MACF1: variants seen among roughly 807,000 people sequenced by gnomAD.
MACF1 encodes microtubule-actin cross-linking factor 1.
In MACF1, 193 loss-of-function variants were observed where a neutral mutation model predicts 854.8. The observed-to-expected ratio is 0.23, with a 90% CI of 0.20 to 0.25. The LOEUF (loss-of-function observed/expected upper bound fraction) is 0.25. MACF1 is among the 10% of genes least tolerant of loss of function. The pLI is 1.00. For synonymous variants in MACF1, 3,185 were observed against 3,226.7 expected (o/e 0.99, Z 0.44); for missense variants, 7,722 against 8,929.1 (o/e 0.86, Z 5.45).
chr1:39,235,110 C>T (rs1176991984), intron 2 of MACF1, among the ~76,000 whole-genome samples: 5 of 152,116 alleles, frequency 3.3e-5, no homozygotes, highest in East Asian at 3.9e-4. Flanking sequence ...GGGTGGCGGC[C>T]GGGCAGAGGC....
intron 2 of MACF1, among the ~76,000 whole-genome samples, chr1:39,106,028 G>GGGA (rs925394534): frequency 3.3e-5 from 5 of 152,136 alleles, no homozygotes; most frequent in African/African-American, 9.7e-5. Context: ...GGAGTTGCTG[G>GGGA]GGAGGAGGAG....
chr1:39,430,179 T>G, intron 65 of MACF1, 111 bp downstream of exon 65: 1 of 1,176,522 alleles, frequency 8.5e-7, no homozygotes, highest in Non-Finnish European at 1.2e-6. Context: ...GCCCCCTTTC[T>G]TGTTTACTCA....
intron 100 of MACF1, 172 bp from the exon 101 acceptor site, chr1:39,485,366 C>A: frequency 1.4e-6 from 1 of 712,594 alleles, no homozygotes; most frequent in Non-Finnish European, 2.2e-6. Context: ...CAAGTAGAAT[C>A]ACAAAGCCAG....
chr1:39,226,850 T>TA (rs1377122044), intron 1 of MACF1, among the ~76,000 whole-genome samples: 1 of 151,832 alleles, frequency 6.6e-6, no homozygotes, highest in African/African-American at 2.4e-5. Context: ...AAAGAAATTA[T>TA]AAAAAAAAGA....
chr1:39,158,573 G>A (rs1159781204), intron 2 of MACF1, among the ~76,000 whole-genome samples: 3 of 152,188 alleles, frequency 2.0e-5, no homozygotes, highest in South Asian at 4.1e-4. Flanking sequence ...CCTGACTGGT[G>A]TCCTGAAAAG....
chr1:39,482,807 A>C (rs1277466070), intron 99 of MACF1, among the ~76,000 whole-genome samples: 6 of 148,280 alleles, frequency 4.0e-5, no homozygotes, highest in Admixed American at 6.7e-5. Flanking sequence ...AAAAAAAAAA[A>C]AAAAAAAACC....
chr1:39,416,070 A>G (rs1643297155), intron 58 of MACF1, among the ~76,000 whole-genome samples: 2 of 152,200 alleles, frequency 1.3e-5, no homozygotes. Context: ...CTAAACATGC[A>G]GGTCCTGACA....
In MACF1 at chr1:39,359,275, G is replaced by A. The variant is rs1647853986; in HGVS notation, c.12244+11G>A. On this transcript the variant is annotated intron_variant, in intron 47 of 100. Coordinates refer to ENST00000564288, the MANE Select transcript of MACF1 (RefSeq NM_001394062.1). ...TTCAAGAAACTACAGGTATAAAGCA[G>A]CAACAGTATAATAGTACTCCCTTAA... The A allele has an allele frequency of 6.2e-7, 1 of 1,613,884 alleles. No homozygotes were observed. Among genetic ancestry groups the A allele is most frequent in the Non-Finnish European group, 8.5e-7 (1 of 1,179,940 alleles).
At chr1:39,268,512 T>G (rs1442582585) in intron 6 of MACF1, 2 of 1,154,412 alleles carry the variant, frequency 1.7e-6, no homozygotes, top group African/African-American at 3.2e-5. Flanking sequence ...AAGATGGCTG[T>G]CTGAATCGGC....
Position 39,317,372 on chromosome 1 carries a change from G to A in MACF1, c.3747G>A (p.Glu1249=). Reference sequence around the variant, plus strand: ...AGGAAAAAGGCTCCCAGCTGCAGGAGCGTTGGCACCGAGTCATTGCCCAGC... The same window carrying A: ...AGGAAAAAGGCTCCCAGCTGCAGGAACGTTGGCACCGAGTCATTGCCCAGC... ...RYQEKGSQLQ[E]RWHRVIAQLE... Residue 1249 remains glutamate, a synonymous_variant, in exon 29 of 101, where the codon GAG becomes GAA. Coordinates refer to ENST00000564288, the MANE Select transcript of MACF1 (RefSeq NM_001394062.1). 6.2e-7 allele frequency: 1 copy of A among 1,613,244 alleles called. No homozygotes were observed. Among genetic ancestry groups the A allele is most frequent in the Non-Finnish European group, 8.5e-7 (1 of 1,179,926 alleles).
intron 100 of MACF1, chr1:39,485,235 T>C (rs899051795): frequency 2.8e-6 from 1 of 361,918 alleles, no homozygotes; most frequent in Non-Finnish European, 5.0e-6. Flanking sequence ...TTAGCCCGGC[T>C]GGCAGGCTCA....
chr1:39,220,855 G>C (rs956876509), intron 1 of MACF1, among the ~76,000 whole-genome samples: 1 of 152,176 alleles, frequency 6.6e-6, no homozygotes, highest in Non-Finnish European at 1.5e-5. Flanking sequence ...AATGGACTTA[G>C]ATACAGAGCT....
intron 84 of MACF1, among the ~76,000 whole-genome samples, chr1:39,450,673 G>A (rs1055558474): frequency 2.1e-5 from 3 of 141,558 alleles, no homozygotes; most frequent in Non-Finnish European, 4.5e-5. Context: ...GTGCAGTGGT[G>A]CAATCTCGGC....
At position 39,348,035 on chromosome 1, in the gene MACF1, C is replaced by T. The variant is rs566080381; in HGVS notation, c.10815+825C>T. Among the ~76,000 whole-genome samples the T allele has an allele frequency of 1.1e-3, 160 of 152,258 alleles. 1 individual carries two copies. Among genetic ancestry groups the T allele is most frequent in the African/African-American group, 3.6e-3 (149 of 41,556 alleles). Reference sequence around the variant, plus strand: ...TATAGCAAGATGATATTAGAATTGTCATTATCACCATAAAATTTGTCTCAA... The same window carrying T: ...TATAGCAAGATGATATTAGAATTGTTATTATCACCATAAAATTTGTCTCAA... On this transcript the variant is annotated intron_variant, in intron 41 of 100. Transcript: ENST00000564288.
intron 2 of MACF1, among the ~76,000 whole-genome samples, chr1:39,112,338 C>G (rs1051003168): frequency 6.6e-6 from 1 of 152,102 alleles, no homozygotes; most frequent in Non-Finnish European, 1.5e-5. Flanking sequence ...CCCTCCTCGA[C>G]CTCTCAAAGT....
rs1215222204 is a variant in MACF1, at chr1:39,437,932, C to G, written c.18144C>G (p.Ser6048=). 1.2e-6 allele frequency: 2 copies of G among 1,614,102 alleles called. No homozygotes were observed. The highest frequency in any genetic ancestry group is 1.7e-6 in the Non-Finnish European group (2 of 1,180,034). Residue 6048 remains serine (S), a synonymous_variant, in exon 71 of 101, where the codon TCC becomes TCG. Coordinates refer to ENST00000564288, the MANE Select transcript of MACF1 (RefSeq NM_001394062.1). ...TGGAGCTAGAAAAACTGCAGCCATC[C>G]TTTGAGGCCTTGAAGCGCCGTGGAG... ...ATVELEKLQP[S]FEALKRRGEE...
intron 40 of MACF1, among the ~76,000 whole-genome samples, chr1:39,345,397 C>A (rs1231378072): frequency 6.6e-6 from 1 of 151,560 alleles, no homozygotes; most frequent in African/African-American, 2.4e-5. Flanking sequence ...ATCACTTAAG[C>A]CCGGGAGTTT....
chr1:39,288,384 G>A (rs1271199505), intron 15 of MACF1, among the ~76,000 whole-genome samples: 1 of 151,930 alleles, frequency 6.6e-6, no homozygotes, highest in Non-Finnish European at 1.5e-5. Context: ...TGTAGTCCCA[G>A]CTACTTGGGA....
At chr1:39,214,566 G>A (rs907016642) in intron 1 of MACF1, among the ~76,000 whole-genome samples, 26 of 152,174 alleles carry the variant, frequency 1.7e-4, no homozygotes, top group Admixed American at 2.0e-4. Flanking sequence ...ACAAGCAAAC[G>A]GTATTTTTGA....
Sources: gnomAD v4.1 joint callset for allele counts (sites outside exome capture counted in the v4.1 genomes callset) on GRCh38, gnomAD v4.1.1 for gene constraint, MANE v1.5 for transcripts, NCBI Gene and HGNC (gene_info 2026-07-23, HGNC 2026-07-21) for gene names.